OXA1L: variants seen among roughly 807,000 people sequenced by gnomAD.
The protein encoded by OXA1L is OXA1L mitochondrial inner membrane insertase.
Under a neutral mutation model 52.2 loss-of-function variants are expected in OXA1L, and 42 were observed. The observed-to-expected ratio is 0.80, with a 90% confidence interval of 0.63 to 1.04. The LOEUF is 1.04. OXA1L is among the 50% of genes least tolerant of loss of function. The probability of loss-of-function intolerance (pLI) is 0.00; values close to 1 mark genes in which losing one functional copy is unlikely to be tolerated. For synonymous variants in OXA1L, 239 were observed against 201.9 expected, an observed-to-expected ratio of 1.18 and a Z score of -1.56; for missense variants, 572 against 555.0, an observed-to-expected ratio of 1.03 and a Z score of -0.31.
At chr14:22,767,212 C>G in intron 1 of OXA1L, 36 bp from the exon 2 acceptor site, 1 of 1,583,758 alleles carries the variant, frequency 6.3e-7, no homozygotes, top group Non-Finnish European at 8.6e-7. Context: ...CTTCTGCTCC[C>G]GGTAAAGGGG....
In OXA1L at chr14:22,772,472, G is replaced by C. The variant is rs185527603; in HGVS notation, c.*914G>C. On this transcript the variant is annotated 3_prime_UTR_variant, in exon 10 of 10. Transcript: ENST00000612549. Reference sequence around the variant, plus strand: ...CCACTGCACTCCAGCCTGGGCAAGAGAGTGAGACTCCTTCTCAAAAAAAAA... The same window carrying C: ...CCACTGCACTCCAGCCTGGGCAAGACAGTGAGACTCCTTCTCAAAAAAAAA... 4 of 114,690 alleles carry C rather than the reference G, an allele frequency of 3.5e-5. No individual in the cohort carries two copies. Among genetic ancestry groups the C allele is most frequent in the South Asian group, 3.0e-4 (1 of 3,294 alleles). 7.1% of individuals were successfully genotyped at this position (114,690 alleles called of 1,614,324 possible).
At chr14:22,767,222 G>A (rs746685238) in intron 1 of OXA1L, 26 bp from the exon 2 acceptor site, 6 of 1,589,894 alleles carry the variant, frequency 3.8e-6, no homozygotes, top group African/African-American at 1.4e-5. Context: ...CGGTAAAGGG[G>A]CTCCATCATC....
rs1315064706 is a variant in OXA1L at position 22,770,526 on chromosome 14, G to A, written c.735G>A (p.Leu245=). Residue 245 remains leucine, a synonymous_variant, in exon 6 of 10, where the codon CTG becomes CTA. Transcript: ENST00000612549. ...REMANLPVPS[L]QTGGLWWFQD... ...TGGCCAACCTTCCTGTGCCCAGCCT[G>A]CAGACAGGTGGCCTCTGGTGGTTCC... 2 of 1,614,158 alleles carry A rather than the reference G, an allele frequency of 1.2e-6. No homozygotes were observed. The highest frequency in any genetic ancestry group is 1.3e-5 in the African/African-American group (1 of 75,048).
intron 5 of OXA1L, 58 bp from the exon 6 acceptor site, chr14:22,770,403 G>A: frequency 2.5e-6 from 4 of 1,586,834 alleles, no homozygotes; most frequent in Non-Finnish European, 3.5e-6. Context: ...TCAGTAGTGG[G>A]GTGATGAAAA....
Position 22,771,442 on chromosome 14 carries a change from C to A in OXA1L, c.1192C>A (p.Arg398=). Reference sequence around the variant, plus strand: ...TTCTCTTCTCCCCTCAGGTCCTTTACGACAGACCTTTACCCACAACCCTCT... The same window carrying A: ...TTCTCTTCTCCCCTCAGGTCCTTTAAGACAGACCTTTACCCACAACCCTCT... The part of the protein sequence containing the change: ...QLELAARGPL[R]QTFTHNPLLQ... The change falls in exon 10 of 10, where the codon CGA becomes AGA. Residue 398 remains arginine, a synonymous_variant. Transcript: ENST00000612549. 1 of 1,614,170 alleles carries A rather than the reference C, an allele frequency of 6.2e-7. No homozygotes were observed. Among genetic ancestry groups the A allele is most frequent in the Non-Finnish European group, 8.5e-7 (1 of 1,180,018 alleles).
At chr14:22,767,761 TACTC>T (rs922808543) in intron 2 of OXA1L, 193 bp from the exon 3 acceptor site, 2 of 530,728 alleles carry the variant, frequency 3.8e-6, no homozygotes, top group African/African-American at 3.8e-5. Context: ...CATGGATTCT[TACTC>T]AAAGTAACTT....
In OXA1L at chr14:22,772,326, A is replaced by G. The variant is rs1361051136; in HGVS notation, c.*768A>G. The G allele has an allele frequency of 6.8e-6, 1 of 147,308 alleles. No individual in the cohort carries two copies. Among genetic ancestry groups the G allele is most frequent in the Non-Finnish European group, 1.5e-5 (1 of 67,564 alleles). The allele number at this position is 147,308 out of a possible 1,614,324, so 9.1% of individuals were successfully genotyped here. ...GGTGAAACCCCGTCTCTACTAAAAAAAAAAAAAAAAAAATTAGCCGGGCAT... is the reference window on the plus strand; with the variant it reads ...GGTGAAACCCCGTCTCTACTAAAAAGAAAAAAAAAAAAATTAGCCGGGCAT... On this transcript the variant is annotated 3_prime_UTR_variant, in exon 10 of 10. Coordinates refer to ENST00000612549, the MANE Select transcript of OXA1L (RefSeq NM_005015.5).
rs932307361 is a variant in OXA1L, at chr14:22,771,879, C to G, written c.*321C>G. The G allele has an allele frequency of 5.1e-5, 13 of 255,840 alleles. No individual in the cohort carries two copies. In the East Asian group the frequency reaches 1.0e-3, roughly 20 times the overall value. 15.8% of individuals were successfully genotyped at this position (255,840 alleles called of 1,614,324 possible). ...TTTTGGGAGGCCGAGGTGGGTGGAT[C>G]ACCTGAGATCAGGAGTTTGAGACCA... On this transcript the variant is annotated 3_prime_UTR_variant, in exon 10 of 10. Transcript: ENST00000612549.
chr14:22,766,929 C>G, intron 1 of OXA1L, 165 bp downstream of exon 1: 4 of 1,514,358 alleles, frequency 2.6e-6, no homozygotes, highest in Admixed American at 2.2e-5. Flanking sequence ...GTCCCCGACA[C>G]TATGGGCCCA....
Position 22,771,566 on chromosome 14 carries a change from T to C in OXA1L, c.*8T>C, listed in dbSNP as rs1052716273. 1.2e-6 allele frequency: 2 copies of C among 1,614,012 alleles called. No individual in the cohort carries two copies. On this transcript the variant is annotated 3_prime_UTR_variant, in exon 10 of 10. Transcript: ENST00000612549. The stretch of plus-strand genomic sequence containing the variant: ...CACGACACACTTGGCTGACTTATGT[T>C]CTGTGCGCATTCTGGCAGGAATTCT...
At chr14:22,768,778 G>C (rs1285349177) in intron 3 of OXA1L, 1 of 154,494 alleles carries the variant, frequency 6.5e-6, no homozygotes, top group Non-Finnish European at 1.4e-5. Flanking sequence ...ATACCTAGTA[G>C]GTGTATATAT....
chr14:22,770,861 CA>C lies in OXA1L; in HGVS notation c.892del (p.Arg298GlufsTer2). On this transcript the variant is annotated frameshift_variant, in exon 7 of 10. Coordinates refer to ENST00000612549, the MANE Select transcript of OXA1L (RefSeq NM_005015.5). LOFTEE classifies it high-confidence loss of function. ...SDLQWMRNVI[R>X]MMPLITLPIT... Reference sequence around the variant, plus strand: ...ACCTTCAGTGGATGAGAAATGTCATCAGAATGATGCCCCTGATAACCTTGCC... The same window carrying C: ...ACCTTCAGTGGATGAGAAATGTCATCGAATGATGCCCCTGATAACCTTGCC... 1 of 1,614,186 alleles carries C rather than the reference CA, an allele frequency of 6.2e-7. No individual in the cohort carries two copies. Among genetic ancestry groups the C allele is most frequent in the Non-Finnish European group, 8.5e-7 (1 of 1,180,010 alleles).
chr14:22,770,581 A>G lies in OXA1L; in HGVS notation c.790A>G (p.Ile264Val), dbSNP rs756530062. 1.9e-6 allele frequency: 3 copies of G among 1,613,758 alleles called. No individual in the cohort carries two copies. The highest frequency in any genetic ancestry group is 2.2e-5 in the South Asian group (2 of 91,082). The change falls in exon 6 of 10, where the codon ATA becomes GTA. Residue 264 changes from isoleucine to valine, a missense_variant. Ile to Val is a conservative substitution (Grantham distance 29). This residue lies in a region of OXA1L where 244 missense variants were observed against 240.2 expected (regional missense o/e 1.02). Coordinates refer to ENST00000612549, the MANE Select transcript of OXA1L (RefSeq NM_005015.5). Reference sequence around the variant, plus strand: ...TCTCACGGTATCCGATCCCATCTACATATTACCACTGGCAGTCACTGCTAC... The same window carrying G: ...TCTCACGGTATCCGATCCCATCTACGTATTACCACTGGCAGTCACTGCTAC... ...QDLTVSDPIY[I>V]LPLAVTATMW...
chr14:22,771,371 A>C (rs557075624), intron 9 of OXA1L, 23 bp downstream of exon 9: 1 of 1,613,708 alleles, frequency 6.2e-7, no homozygotes, highest in Admixed American at 1.7e-5. Context: ...TTCAGGCCAA[A>C]TTCTGTCTTT....
rs77462535 is a variant in OXA1L at position 22,770,652 on chromosome 14, G to T, written c.834+27G>T. ...TAAGCCCAGATTGGCCAAGTGCCAG[G>T]CCTGCAAAGTGAACTGGGGTTGGAG... On this transcript the variant is annotated intron_variant, in intron 6 of 9. Coordinates refer to ENST00000612549, the MANE Select transcript of OXA1L (RefSeq NM_005015.5). 4,016 of 1,605,290 alleles carry T rather than the reference G, an allele frequency of 2.5e-3. 86 individuals carry two copies. The African/African-American group carries it at 0.045, about 18-fold the overall frequency.
At position 22,772,317 on chromosome 14, in the gene OXA1L, T is replaced by A. The variant is rs1382575387; in HGVS notation, c.*759T>A. 2.1e-4 allele frequency: 21 copies of A among 100,540 alleles called. No homozygotes were observed. The highest frequency in any genetic ancestry group is 6.9e-4 in the African/African-American group (20 of 28,914). 6.2% of individuals were successfully genotyped at this position (100,540 alleles called of 1,614,324 possible). Reference sequence around the variant, plus strand: ...GGCCAACATGGTGAAACCCCGTCTCTACTAAAAAAAAAAAAAAAAAAATTA... The same window carrying A: ...GGCCAACATGGTGAAACCCCGTCTCAACTAAAAAAAAAAAAAAAAAAATTA... On this transcript the variant is annotated 3_prime_UTR_variant, in exon 10 of 10. Coordinates refer to ENST00000612549, the MANE Select transcript of OXA1L (RefSeq NM_005015.5).
At chr14:22,769,993 C>G in intron 4 of OXA1L, 59 bp downstream of exon 4, 1 of 1,587,076 alleles carries the variant, frequency 6.3e-7, no homozygotes, top group South Asian at 1.1e-5. Context: ...TCCTTACATT[C>G]TGCTGGGGGA....
At chr14:22,766,934 G>A in intron 1 of OXA1L, 170 bp downstream of exon 1, 1 of 1,512,900 alleles carries the variant, frequency 6.6e-7, no homozygotes, top group South Asian at 1.2e-5. Context: ...CGACACTATG[G>A]GCCCAGCAGC....
chr14:22,770,453 T>C lies in OXA1L; in HGVS notation c.670-8T>C, dbSNP rs1417288919. On this transcript the variant is annotated splice_region_variant and splice_polypyrimidine_tract_variant and intron_variant, in intron 5 of 9. Transcript: ENST00000612549. ...AAGCATGCTGACACTGTTTATCTTG[T>C]GTAATAGGCCCCAATCTTCATCTCC... The C allele has an allele frequency of 1.9e-6, 3 of 1,612,002 alleles. No individual in the cohort carries two copies. Among genetic ancestry groups the C allele is most frequent in the Admixed American group, 3.3e-5 (2 of 59,968 alleles).
Sources: gnomAD v4.1 joint callset for allele counts on GRCh38, gnomAD v4.1.1 for gene constraint, gnomAD v4.1.1 regional missense constraint, MANE v1.5 for transcripts, NCBI Gene and HGNC (gene_info 2026-07-23, HGNC 2026-07-21) for gene names.